FBXW8: variants seen among roughly 807,000 people sequenced by gnomAD.
The protein encoded by FBXW8 is F-box and WD repeat domain containing 8.
Under a neutral mutation model 65.3 loss-of-function variants are expected in FBXW8, and 57 were observed. That is an observed-to-expected ratio of 0.87 (90% CI 0.71 to 1.09). The LOEUF is 1.09. FBXW8 is among the 50% of genes least tolerant of loss of function. The pLI is 0.00. For missense variants in FBXW8, 777 were observed against 814.8 expected, an observed-to-expected ratio of 0.95 and a Z score of 0.57; for synonymous variants, 308 against 330.2, an observed-to-expected ratio of 0.93 and a Z score of 0.73.
chr12:116,960,825 A>C (rs150404493), intron 4 of FBXW8, among the ~76,000 whole-genome samples: 140 of 152,296 alleles, frequency 9.2e-4, no homozygotes, highest in African/African-American at 3.2e-3. Flanking sequence ...CGATCAATGC[A>C]TAAGGACTGT....
At chr12:116,922,716 GT>G (rs1880997945) in intron 1 of FBXW8, among the ~76,000 whole-genome samples, 1 of 151,986 alleles carries the variant, frequency 6.6e-6, no homozygotes, top group Admixed American at 6.6e-5. Context: ...TTCTCTCAGT[GT>G]TTTTGGAGTA....
At chr12:116,935,458 C>T (rs1882087009) in intron 2 of FBXW8, among the ~76,000 whole-genome samples, 1 of 152,204 alleles carries the variant, frequency 6.6e-6, no homozygotes, top group South Asian at 2.1e-4. Context: ...TAGTTGCTGG[C>T]AGGGTTCCCT....
Position 116,988,772 on chromosome 12 carries a change from T to G in FBXW8, c.1142T>G (p.Leu381Arg). 1 of 1,614,146 alleles carries G rather than the reference T, an allele frequency of 6.2e-7. No homozygotes were observed. The highest frequency in any genetic ancestry group is 8.5e-7 in the Non-Finnish European group (1 of 1,180,036). ...GCCGAAGACTCCGCCAGAACCCTCC[T>G]TTACGCCCACGGCCCGCCTGTCACA... is the stretch of plus-strand genomic sequence containing the variant. ...LKAEDSARTL[L>R]YAHGPPVTCL... The change falls in exon 7 of 11, where the codon CTT becomes CGT. Residue 381 changes from leucine to arginine, a missense_variant. Leu to Arg is a moderately radical substitution (Grantham distance 102, BLOSUM62 -2). Transcript: ENST00000652555.
At chr12:116,988,302 A>G (rs1446137366) in intron 6 of FBXW8, among the ~76,000 whole-genome samples, 2 of 152,328 alleles carry the variant, frequency 1.3e-5, no homozygotes, top group East Asian at 3.9e-4. Context: ...GTTGGACAAG[A>G]TTATATCCCC....
In FBXW8 at chr12:116,998,530, A is replaced by G. The variant is rs140543796; in HGVS notation, c.1239+9661A>G. 8.2e-4 allele frequency among the ~76,000 whole-genome samples: 125 copies of G among 152,330 alleles called. 1 individual carries two copies. The highest frequency in any genetic ancestry group is 2.8e-3 in the African/African-American group (117 of 41,582). ...AATTGCCTTCCTGGTTTACCATCCT[A>G]TACCATGGAAGAGAATGAACTTAGC... On this transcript the variant is annotated intron_variant, in intron 7 of 10. Transcript: ENST00000652555.
At chr12:116,935,958 G>A (rs867635028) in intron 2 of FBXW8, among the ~76,000 whole-genome samples, 2 of 152,150 alleles carry the variant, frequency 1.3e-5, no homozygotes, top group South Asian at 2.1e-4. Context: ...ATGTATGTGC[G>A]AGGTACTGTT....
At chr12:116,950,112 G>A (rs998155939) in intron 4 of FBXW8, 4 of 164,596 alleles carry the variant, frequency 2.4e-5, no homozygotes, top group African/African-American at 9.5e-5. Flanking sequence ...GTGAAGAAGG[G>A]CTTTGGCCAC....
At chr12:116,927,098 A>C (rs4766813) in intron 1 of FBXW8, among the ~76,000 whole-genome samples, 152,167 of 152,324 alleles carry the variant, frequency 1, 76,005 homozygotes, top group Middle Eastern at 1. Flanking sequence ...ACACAGAGTG[A>C]AGCTTTTCCT....
At chr12:116,948,963 C>T (rs1197698465) in intron 3 of FBXW8, 1 of 152,474 alleles carries the variant, frequency 6.6e-6, no homozygotes, top group Non-Finnish European at 1.5e-5. Context: ...CTGTGTTGCA[C>T]AGGCTGGTCT....
chr12:117,028,120 T>C lies in FBXW8; in HGVS notation c.1745T>C (p.Met582Thr). 1.2e-6 allele frequency: 2 copies of C among 1,614,196 alleles called. No individual in the cohort carries two copies. The highest frequency in any genetic ancestry group is 1.7e-6 in the Non-Finnish European group (2 of 1,180,028). The stretch of plus-strand genomic sequence containing the variant: ...GTCTGCCGTTCATCCTGTGACGCCA[T>C]GGCCACTCACTACTACGACCTCGCA... The part of the protein sequence containing the change: ...LPVCRSSCDA[M>T]ATHYYDLALA... The change falls in exon 11 of 11, where the codon ATG becomes ACG. Residue 582 changes from methionine (M) to threonine (T), a missense_variant. By Grantham distance (81) the Met-to-Thr change is moderately conservative (BLOSUM62 -1). Coordinates refer to ENST00000652555, the MANE Select transcript of FBXW8 (RefSeq NM_153348.3). This position sits in a 1 kb window ranked among gnomAD's most constrained non-coding sequence, Gnocchi z 4.1.
intron 7 of FBXW8, among the ~76,000 whole-genome samples, chr12:117,006,838 ATTAT>A (rs1227578831): frequency 2.0e-5 from 3 of 152,248 alleles, no homozygotes; most frequent in African/African-American, 4.8e-5. Flanking sequence ...GAATCACAGC[ATTAT>A]TTATTTTATC....
intron 8 of FBXW8, among the ~76,000 whole-genome samples, chr12:117,016,111 T>C (rs1463801797): frequency 6.6e-6 from 1 of 152,248 alleles, no homozygotes; most frequent in East Asian, 1.9e-4. Context: ...CTTTTGACTA[T>C]TATAATGCTA....
At chr12:116,988,376 G>C (rs1953151110) in intron 6 of FBXW8, among the ~76,000 whole-genome samples, 1 of 152,032 alleles carries the variant, frequency 6.6e-6, no homozygotes, top group Non-Finnish European at 1.5e-5. Flanking sequence ...TCCAGCCCAG[G>C]GTGTTATCAG....
intron 8 of FBXW8, among the ~76,000 whole-genome samples, chr12:117,022,259 A>G (rs759452374): frequency 6.6e-6 from 1 of 152,148 alleles, no homozygotes; most frequent in Non-Finnish European, 1.5e-5. Context: ...TTTCCCAGAA[A>G]GCCATTTACT....
chr12:117,027,989 G>A, intron 10 of FBXW8, 39 bp from the exon 11 acceptor site: 1 of 1,611,888 alleles, frequency 6.2e-7, no homozygotes, highest in Non-Finnish European at 8.5e-7. Flanking sequence ...GGGCCAGCGA[G>A]GCAGCCCTGA....
chr12:117,009,028 A>G (rs1033412914), intron 7 of FBXW8, among the ~76,000 whole-genome samples: 1 of 152,164 alleles, frequency 6.6e-6, no homozygotes, highest in African/African-American at 2.4e-5. Context: ...GATCGCGGCC[A>G]CTGCACTCCA....
At position 116,936,146 on chromosome 12, in the gene FBXW8, CTT is replaced by C. The variant is rs1882142416; in HGVS notation, c.423+8021_423+8022del. 6.6e-6 allele frequency among the ~76,000 whole-genome samples: 1 copy of C among 152,146 alleles called. No homozygotes were observed. Among genetic ancestry groups the C allele is most frequent in the Admixed American group, 6.6e-5 (1 of 15,260 alleles). ...TGCACTTTTGAGTGGCCAGGGAAGA[CTT>C]TGCAGAGAAGGTGAGCTTTGAGCAA... On this transcript the variant is annotated intron_variant, in intron 2 of 10. Coordinates refer to ENST00000652555, the MANE Select transcript of FBXW8 (RefSeq NM_153348.3). This position sits in a 1 kb window ranked among gnomAD's most constrained non-coding sequence, Gnocchi z 4.6.
At position 116,985,235 on chromosome 12, in the gene FBXW8, G is replaced by A. The variant is rs138718240; in HGVS notation, c.865G>A (p.Gly289Arg). The A allele has an allele frequency of 2.7e-5, 44 of 1,610,224 alleles. No homozygotes were observed. The African/African-American group carries it at 3.9e-4, about 14-fold the overall frequency. ...GFLNIWDLRT[G>R]KYPVHRFEHD... is the part of the protein sequence containing the mutation. ...TCTTAATATTTGGGATTTAAGGACCGGAAAGTACCCTGTTCATCGTTTTGA... is the reference window on the plus strand; with the variant it reads ...TCTTAATATTTGGGATTTAAGGACCAGAAAGTACCCTGTTCATCGTTTTGA... Residue 289 changes from glycine to arginine, a missense_variant, in exon 6 of 11, where the codon GGA (glycine) becomes AGA (arginine). Physicochemically the swap from Gly to Arg is moderately radical, Grantham distance 125 (BLOSUM62 -2). Coordinates refer to ENST00000652555, the MANE Select transcript of FBXW8 (RefSeq NM_153348.3).
Position 116,993,098 on chromosome 12 carries a change from C to CTTTT in FBXW8, c.1239+4249_1239+4252dup, listed in dbSNP as rs71099026. On this transcript the variant is annotated intron_variant, in intron 7 of 10. Coordinates refer to ENST00000652555, the MANE Select transcript of FBXW8 (RefSeq NM_153348.3). Reference sequence around the variant, plus strand: ...CATACCAACATCTATTGATTTTTGACTTTTTTTTTTTTTTTTTTTTTTTGA... The same window carrying CTTTT: ...CATACCAACATCTATTGATTTTTGACTTTTTTTTTTTTTTTTTTTTTTTTTTTGA... Among the ~76,000 whole-genome samples, 203 of 85,388 alleles carry CTTTT rather than the reference C, an allele frequency of 2.4e-3. 1 individual carries two copies. Among genetic ancestry groups the CTTTT allele is most frequent in the East Asian group, 3.9e-3 (10 of 2,572 alleles). The allele number at this position is 85,388 out of a possible 152,430, so 56.0% of individuals were successfully genotyped here. A position where few individuals can be genotyped will look rare whatever the true frequency, so the allele number is the denominator to read the frequency against.
Sources: gnomAD v4.1 joint callset for allele counts (sites outside exome capture counted in the v4.1 genomes callset) on GRCh38, gnomAD v4.1.1 for gene constraint, Gnocchi (gnomAD v3.1) non-coding constraint, MANE v1.5 for transcripts, NCBI Gene and HGNC (gene_info 2026-07-23, HGNC 2026-07-21) for gene names.